KIF4A: variants seen among roughly 807,000 people sequenced by gnomAD.
KIF4A encodes the protein chromosome-associated kinesin KIF4A.
A neutral mutation model predicts 105.9 loss-of-function variants in KIF4A; 7 were observed. That is an observed-to-expected ratio of 0.07 (90% CI 0.04 to 0.12). The LOEUF is 0.12. KIF4A is among the 10% of genes least tolerant of loss of function. The pLI is 1.00. For synonymous variants in KIF4A, 281 were observed against 331.3 expected (o/e 0.85, Z 1.65); for missense variants, 558 against 929.2 (o/e 0.60, Z 5.19).
At chrX:70,394,063 A>G (rs1243538305) in intron 20 of KIF4A, among the ~76,000 whole-genome samples, 1 of 108,805 alleles carries the variant, frequency 9.2e-6, no homozygotes, top group African/African-American at 3.4e-5. Flanking sequence ...ATGGGGTTTC[A>G]ACATGTTGCT....
chrX:70,297,066 T>A lies in KIF4A; in HGVS notation c.304T>A (p.Tyr102Asn), dbSNP rs2085786213. 1 of 1,210,196 alleles carries A rather than the reference T, an allele frequency of 8.3e-7. No individual in the cohort carries two copies. The highest frequency in any genetic ancestry group is 2.2e-5 in the Admixed American group (1 of 45,819). ...SGKTYSMGGA[Y>N]TAEQENEPTV... ...AAAAACCTATTCAATGGGAGGTGCA[T>A]ATACTGCAGAGCAAGAGAATGAACC... is the stretch of plus-strand genomic sequence containing the variant. The change falls in exon 4 of 31, where the codon TAT (tyrosine) becomes AAT (asparagine). Residue 102 changes from tyrosine (Y) to asparagine (N), a missense_variant. Around this residue, in one of 2 missense-constraint regions of KIF4A, gnomAD observed 89 missense variants for 248.8 expected, o/e 0.36. Coordinates refer to ENST00000374403, the MANE Select transcript of KIF4A (RefSeq NM_012310.5).
At chrX:70,371,033 A>G (rs946549999) in intron 15 of KIF4A, among the ~76,000 whole-genome samples, 1 of 109,492 alleles carries the variant, frequency 9.1e-6, no homozygotes, top group Non-Finnish European at 1.9e-5. Flanking sequence ...GCTCTAGGCT[A>G]TTTAGAAAGC....
At chrX:70,377,606 C>T (rs372820794) in intron 18 of KIF4A, among the ~76,000 whole-genome samples, 2 of 112,287 alleles carry the variant, frequency 1.8e-5, no homozygotes, top group East Asian at 2.8e-4. Flanking sequence ...CAGGATAGAC[C>T]ATATGCTAGA....
chrX:70,381,487 A>C (rs1283106806), intron 18 of KIF4A, among the ~76,000 whole-genome samples: 1 of 111,999 alleles, frequency 8.9e-6, no homozygotes, highest in African/African-American at 3.2e-5. Flanking sequence ...CAGTGAGTCA[A>C]GATCATGCCA....
chrX:70,371,054 T>C (rs1383199152), intron 15 of KIF4A, among the ~76,000 whole-genome samples: 1 of 110,269 alleles, frequency 9.1e-6, no homozygotes, highest in Non-Finnish European at 1.9e-5. Flanking sequence ...TTCTCTGATA[T>C]AGCCCCACCT....
intron 29 of KIF4A, among the ~76,000 whole-genome samples, chrX:70,418,881 A>C (rs778736362): frequency 4.5e-5 from 5 of 111,112 alleles, no homozygotes; most frequent in African/African-American, 1.6e-4. Flanking sequence ...TCAGGAGATC[A>C]AGACCATCCC....
At chrX:70,410,571 C>T (rs1378140697) in intron 28 of KIF4A, among the ~76,000 whole-genome samples, 1 of 111,772 alleles carries the variant, frequency 8.9e-6, no homozygotes, top group Non-Finnish European at 1.9e-5. Context: ...GGACCGGTTT[C>T]GTGGAAGACA....
intron 7 of KIF4A, among the ~76,000 whole-genome samples, chrX:70,305,206 C>G (rs1194711598): frequency 9.0e-6 from 1 of 111,364 alleles, no homozygotes; most frequent in Non-Finnish European, 1.9e-5. Flanking sequence ...CATACCATAA[C>G]ACTCACCCTT....
intron 28 of KIF4A, among the ~76,000 whole-genome samples, chrX:70,416,268 T>A (rs1259475359): frequency 9.1e-6 from 1 of 109,688 alleles, no homozygotes; most frequent in Non-Finnish European, 1.9e-5. Context: ...CTGCATTTGC[T>A]TTGGGACAGC....
At chrX:70,328,360 G>A (rs1461572028) in intron 7 of KIF4A, among the ~76,000 whole-genome samples, 1 of 110,333 alleles carries the variant, frequency 9.1e-6, no homozygotes, top group Non-Finnish European at 1.9e-5. Context: ...GGGGCAGAAG[G>A]GCAAAAGCAA....
intron 15 of KIF4A, among the ~76,000 whole-genome samples, chrX:70,368,904 G>A (rs1161824781): frequency 9.0e-6 from 1 of 111,696 alleles, no homozygotes; most frequent in African/African-American, 3.3e-5. Context: ...CACCCAGTTC[G>A]AGCTTCCCAG....
intron 11 of KIF4A, among the ~76,000 whole-genome samples, chrX:70,343,232 T>C (rs750477738): frequency 4.5e-5 from 5 of 112,135 alleles, no homozygotes; most frequent in African/African-American, 1.6e-4. Flanking sequence ...TTTTATGTTT[T>C]AAATGCCCTT....
At chrX:70,366,509 C>A (rs1424712983) in intron 15 of KIF4A, among the ~76,000 whole-genome samples, 3 of 111,724 alleles carry the variant, frequency 2.7e-5, no homozygotes, top group Non-Finnish European at 5.6e-5. Context: ...TGTTATGTAC[C>A]CAGTAGTCAG....
intron 15 of KIF4A, among the ~76,000 whole-genome samples, chrX:70,361,149 G>C (rs760439017): frequency 8.3e-4 from 94 of 113,257 alleles, no homozygotes; most frequent in African/African-American, 2.7e-3. Flanking sequence ...GCCCCGCTTC[G>C]AGCCTATTGG....
At position 70,387,280 on chromosome X, in the gene KIF4A, A is replaced by G; in HGVS notation, c.2215A>G (p.Thr739Ala). 2 of 1,180,165 alleles carry G rather than the reference A, an allele frequency of 1.7e-6. No homozygotes were observed. The highest frequency in any genetic ancestry group is 2.3e-4 in the Middle Eastern group (1 of 4,313). The change falls in exon 20 of 31, where the codon ACT becomes GCT. Residue 739 changes from threonine (T) to alanine (A), a missense_variant. By Grantham distance (58) the Thr-to-Ala change is moderately conservative (BLOSUM62 0). Around this residue, in one of 2 missense-constraint regions of KIF4A, gnomAD observed 469 missense variants for 680.4 expected, o/e 0.69. Coordinates refer to ENST00000374403, the MANE Select transcript of KIF4A (RefSeq NM_012310.5). ...GACTCAGAGCCGTGGAATGGAAGGC[A>G]CTGCAGCTCGAGTGAAGGTATGAAC... Reference protein sequence around the residue: ...KETQSRGMEGTAARVKNWLGN... With the variant: ...KETQSRGMEGAAARVKNWLGN...
At chrX:70,374,096 T>C (rs1282927692) in intron 15 of KIF4A, 55 bp from the exon 16 acceptor site, 47 of 724,068 alleles carry the variant, frequency 6.5e-5, no homozygotes, top group Non-Finnish European at 9.3e-5. Context: ...CTGAAGTGAT[T>C]TTTCTTCCTG....
chrX:70,371,106 G>A (rs1206741034), intron 15 of KIF4A, among the ~76,000 whole-genome samples: 1 of 110,278 alleles, frequency 9.1e-6, no homozygotes, highest in Non-Finnish European at 1.9e-5. Flanking sequence ...TACTGGTCTA[G>A]GGCGTGCATA....
At chrX:70,322,018 A>G (rs1033197872) in intron 7 of KIF4A, among the ~76,000 whole-genome samples, 1 of 109,898 alleles carries the variant, frequency 9.1e-6, no homozygotes, top group Non-Finnish European at 1.9e-5. Flanking sequence ...TATCTGAAAC[A>G]TAACCCAGGC....
At chrX:70,403,742 C>T in intron 23 of KIF4A, 122 bp from the exon 24 acceptor site, 1 of 571,075 alleles carries the variant, frequency 1.8e-6, no homozygotes, top group South Asian at 3.3e-5. Flanking sequence ...TAAGAATAGA[C>T]TTGAACATGG....
Sources: allele counts gnomAD v4.1 joint callset (sites outside exome capture counted in the v4.1 genomes callset), GRCh38; gene constraint gnomAD v4.1.1; regional missense constraint gnomAD v4.1.1; transcripts MANE v1.5; gene names NCBI Gene and HGNC (gene_info 2026-07-23, HGNC 2026-07-21).